Variants in TAF2 observed in about 807,000 individuals in gnomAD.
TAF2 encodes TATA-box binding protein associated factor 2, also known as transcription initiation factor TFIID subunit 2.
Under a neutral mutation model 138.5 loss-of-function variants are expected in TAF2, and 61 were observed. That is an observed-to-expected ratio of 0.44 (90% CI 0.36 to 0.54). The LOEUF is 0.54. Ranked by LOEUF, TAF2 falls within the 20% of genes least tolerant of loss-of-function variation. TAF2 has a pLI of 0.00. For missense variants in TAF2, 1,090 were observed against 1,427.9 expected, an observed-to-expected ratio of 0.76 and a Z score of 3.81; for synonymous variants, 475 against 469.9, an observed-to-expected ratio of 1.01 and a Z score of -0.14.
chr8:119,811,100 C>T (rs1404892509), intron 3 of TAF2, among the ~76,000 whole-genome samples: 1 of 152,050 alleles, frequency 6.6e-6, no homozygotes, highest in East Asian at 1.9e-4. Context: ...AATGTCCTTG[C>T]CCTATAACCT....
At chr8:119,817,113 G>A (rs1419574628) in intron 3 of TAF2, among the ~76,000 whole-genome samples, 1 of 152,136 alleles carries the variant, frequency 6.6e-6, no homozygotes, top group Non-Finnish European at 1.5e-5. Flanking sequence ...ACAGAGCTAT[G>A]GTTCTAGTTG....
rs998930149 is a variant in TAF2 at position 119,811,095 on chromosome 8, C to G, written c.300-4694G>C. ...ATAATGACTACAAAATATTTAATGTCCTTGCCCTATAACCTCTACCATCCC... is the reference window on the plus strand; with the variant it reads ...ATAATGACTACAAAATATTTAATGTGCTTGCCCTATAACCTCTACCATCCC... On this transcript the variant is annotated intron_variant, in intron 3 of 25. Coordinates refer to ENST00000378164, the MANE Select transcript of TAF2 (RefSeq NM_003184.4). Among the ~76,000 whole-genome samples, 5 of 152,062 alleles carry G rather than the reference C, an allele frequency of 3.3e-5. No individual in the cohort carries two copies. In the East Asian group the frequency reaches 5.8e-4, roughly 18 times the overall value.
chr8:119,731,846 A>G lies in TAF2; in HGVS notation c.*78T>C. ...GCGAATCCTTTCCCCCCTCCCTTTT[A>G]TAATTCTTCACAGAGGACAAAGCTT... On this transcript the variant is annotated 3_prime_UTR_variant, in exon 26 of 26. Transcript: ENST00000378164. 1 of 1,431,814 alleles carries G rather than the reference A, an allele frequency of 7.0e-7. No homozygotes were observed. Among genetic ancestry groups the G allele is most frequent in the Non-Finnish European group, 9.8e-7 (1 of 1,016,796 alleles). 88.7% of individuals were successfully genotyped at this position (1,431,814 alleles called of 1,614,324 possible).
intron 13 of TAF2, 68 bp downstream of exon 13, chr8:119,788,722 C>T: frequency 4.6e-6 from 5 of 1,098,310 alleles, no homozygotes; most frequent in Non-Finnish European, 7.1e-6. Flanking sequence ...AGTAACCCAT[C>T]CCTAAGTCCC....
intron 2 of TAF2, 24 bp from the exon 3 acceptor site, chr8:119,819,530 T>C: frequency 6.3e-7 from 1 of 1,577,248 alleles, no homozygotes; most frequent in Non-Finnish European, 8.6e-7. Context: ...GAATAACAAC[T>C]TCATTATAAA....
At chr8:119,827,720 A>C (rs1826190233) in intron 2 of TAF2, among the ~76,000 whole-genome samples, 1 of 142,138 alleles carries the variant, frequency 7.0e-6, no homozygotes. Flanking sequence ...TACACCAAAA[A>C]GGCCATGGAA....
chr8:119,750,061 T>C (rs944266014), intron 22 of TAF2, among the ~76,000 whole-genome samples: 2 of 152,166 alleles, frequency 1.3e-5, no homozygotes, highest in Admixed American at 6.5e-5. Context: ...CGAAAAATCA[T>C]CTCTTCATTT....
chr8:119,819,220 T>TA, intron 3 of TAF2, 126 bp downstream of exon 3: 1 of 977,060 alleles, frequency 1.0e-6, no homozygotes, highest in Non-Finnish European at 1.5e-6. Flanking sequence ...GTAAAACAGA[T>TA]AAAGATTGGG....
Position 119,731,149 on chromosome 8 carries a change from T to C in TAF2, c.*775A>G, listed in dbSNP as rs1818857011. ...TAAATTGTCCACATTAAGCAAAACATATTTTACATATGAATATTTTCATTT... is the reference window on the plus strand; with the variant it reads ...TAAATTGTCCACATTAAGCAAAACACATTTTACATATGAATATTTTCATTT... On this transcript the variant is annotated 3_prime_UTR_variant, in exon 26 of 26. Transcript: ENST00000378164. The C allele has an allele frequency of 6.6e-6, 1 of 152,138 alleles. No homozygotes were observed. 9.4% of individuals were successfully genotyped at this position (152,138 alleles called of 1,614,324 possible). A position where few individuals can be genotyped will look rare whatever the true frequency, so the allele number is the denominator to read the frequency against.
chr8:119,810,742 C>T (rs1159933948), intron 3 of TAF2, among the ~76,000 whole-genome samples: 1 of 152,012 alleles, frequency 6.6e-6, no homozygotes, highest in African/African-American at 2.4e-5. Flanking sequence ...TTGATGATTG[C>T]AAAACTTGTA....
intron 3 of TAF2, among the ~76,000 whole-genome samples, chr8:119,814,426 T>C (rs1046822896): frequency 1.3e-5 from 2 of 151,984 alleles, no homozygotes; most frequent in African/African-American, 2.4e-5. Context: ...CATTAAAATA[T>C]AGAATCTACA....
At chr8:119,807,141 G>C (rs894098215) in intron 3 of TAF2, among the ~76,000 whole-genome samples, 1 of 152,196 alleles carries the variant, frequency 6.6e-6, no homozygotes, top group African/African-American at 2.4e-5. Context: ...ATGGGACTCA[G>C]TTCCTCAAAA....
intron 22 of TAF2, among the ~76,000 whole-genome samples, chr8:119,752,459 G>A (rs962674694): frequency 1.3e-5 from 2 of 152,048 alleles, no homozygotes; most frequent in African/African-American, 4.8e-5. Context: ...CCTTCCCTCT[G>A]GGATATGGTC....
intron 18 of TAF2, among the ~76,000 whole-genome samples, chr8:119,772,524 T>A (rs1319687517): frequency 6.6e-6 from 1 of 152,152 alleles, no homozygotes; most frequent in Non-Finnish European, 1.5e-5. Context: ...GGGTAATGGG[T>A]ACACTAGAAG....
intron 2 of TAF2, among the ~76,000 whole-genome samples, chr8:119,826,357 T>TTGC (rs1826100092): frequency 6.6e-6 from 1 of 151,976 alleles, no homozygotes; most frequent in African/African-American, 2.4e-5. Flanking sequence ...AAGAGATGAC[T>TTGC]TGCTACTCCT....
At chr8:119,753,278 G>C (rs1222851315) in intron 22 of TAF2, among the ~76,000 whole-genome samples, 1 of 151,520 alleles carries the variant, frequency 6.6e-6, no homozygotes, top group South Asian at 2.1e-4. Flanking sequence ...GTTTTTTTCA[G>C]ATAAACTCTG....
At chr8:119,816,050 C>CTTTTT (rs770573593) in intron 3 of TAF2, among the ~76,000 whole-genome samples, 1 of 133,900 alleles carries the variant, frequency 7.5e-6, no homozygotes, top group Non-Finnish European at 1.6e-5. Context: ...CACACTCTTT[C>CTTTTT]TTTTTTTTTT....
intron 2 of TAF2, 72 bp from the exon 3 acceptor site, chr8:119,819,578 C>T: frequency 7.9e-7 from 1 of 1,271,310 alleles, no homozygotes; most frequent in Non-Finnish European, 1.1e-6. Flanking sequence ...TTTATTTTTA[C>T]CACTTGTACA....
intron 3 of TAF2, among the ~76,000 whole-genome samples, chr8:119,818,016 A>T (rs879410604): frequency 6.6e-6 from 1 of 152,282 alleles, no homozygotes; most frequent in Non-Finnish European, 1.5e-5. Flanking sequence ...GGAGTAAATC[A>T]GGGTTCCCTG....
Sources: allele counts gnomAD v4.1 joint callset (sites outside exome capture counted in the v4.1 genomes callset), GRCh38; gene constraint gnomAD v4.1.1; transcripts MANE v1.5; gene names NCBI Gene and HGNC (gene_info 2026-07-23, HGNC 2026-07-21).